The following JADE3 variants were observed in gnomAD, a reference collection of about 807,000 sequenced individuals.
JADE3 encodes the protein protein Jade-3.
JADE3 carries 2 observed loss-of-function variants against 50.1 expected under a neutral mutation model. The observed-to-expected ratio is 0.04, with a 90% CI of 0.02 to 0.13. The LOEUF (loss-of-function observed/expected upper bound fraction) is 0.13, where lower values mean the gene tolerates loss of function less well. Ranked by LOEUF, JADE3 falls within the 10% of genes least tolerant of loss-of-function variation. The pLI, the probability that JADE3 is intolerant of heterozygous loss-of-function variation, is 1.00. For missense variants in JADE3, 475 were observed against 634.4 expected, an observed-to-expected ratio of 0.75 and a Z score of 2.70; for synonymous variants, 218 against 232.9, an observed-to-expected ratio of 0.94 and a Z score of 0.58.
intron 1 of JADE3, among the ~76,000 whole-genome samples, chrX:46,974,179 G>A (rs782674496): frequency 9.9e-5 from 11 of 111,286 alleles, no homozygotes; most frequent in East Asian, 2.8e-4. Context: ...CCAGGCGGGC[G>A]GATCATTTGA....
At position 46,932,367 on chromosome X, in the gene JADE3, A is replaced by G. The variant is rs189006642; in HGVS notation, c.-12+19648A>G. Among the ~76,000 whole-genome samples the G allele has an allele frequency of 8.3e-4, 93 of 112,138 alleles. 1 individual carries two copies. In the East Asian group the frequency reaches 0.011, roughly 13 times the overall value. ...TAAAATTTTCTGTTTGGTAGAAGAA[A>G]TTATCCTAAAGACTACAGATTAATT... On this transcript the variant is annotated intron_variant, in intron 1 of 10. Transcript: ENST00000614628.
chrX:47,023,016 A>G (rs1411651140), intron 4 of JADE3, among the ~76,000 whole-genome samples: 3 of 111,534 alleles, frequency 2.7e-5, no homozygotes, highest in East Asian at 2.8e-4. Flanking sequence ...AACAATAACA[A>G]TGACGTTATT....
intron 4 of JADE3, among the ~76,000 whole-genome samples, chrX:47,001,660 G>T (rs1190963651): frequency 1.8e-5 from 2 of 111,926 alleles, no homozygotes; most frequent in African/African-American, 6.5e-5. Context: ...AATTTTGTAA[G>T]TCACCTTAAA....
rs113935039 is a variant in JADE3 at position 47,010,742 on chromosome X, A to T, written c.284+12465A>T. On this transcript the variant is annotated intron_variant, in intron 4 of 10. Coordinates refer to ENST00000614628, the MANE Select transcript of JADE3 (RefSeq NM_014735.5). ...ACTGTATTAGTCTGCTAGGGCTGCCATAACAAAATACCACAGACTGGGTGG... is the reference window on the plus strand; with the variant it reads ...ACTGTATTAGTCTGCTAGGGCTGCCTTAACAAAATACCACAGACTGGGTGG... 9.9e-3 allele frequency among the ~76,000 whole-genome samples: 1,101 copies of T among 111,198 alleles called. 11 individuals carry two copies. The highest frequency in any genetic ancestry group is 0.035 in the African/African-American group (1,062 of 30,618).
chrX:47,030,913 G>A (rs1321888142), intron 6 of JADE3, among the ~76,000 whole-genome samples: 3 of 110,247 alleles, frequency 2.7e-5, no homozygotes, highest in Admixed American at 9.7e-5. Context: ...AGCTGGGTGT[G>A]GTGGCATGCA....
chrX:46,931,877 A>G (rs1926505438), intron 1 of JADE3, among the ~76,000 whole-genome samples: 1 of 111,898 alleles, frequency 8.9e-6, no homozygotes, highest in Admixed American at 9.5e-5. Context: ...TAGGCACTCA[A>G]TGTTAGTTTC....
intron 7 of JADE3, among the ~76,000 whole-genome samples, chrX:47,035,102 C>CT (rs199611733): frequency 5.5e-5 from 6 of 109,012 alleles, no homozygotes; most frequent in Admixed American, 9.9e-5. Flanking sequence ...TTATGGCTGC[C>CT]TTTTTTTTTC....
intron 1 of JADE3, among the ~76,000 whole-genome samples, chrX:46,980,751 T>C (rs1007273055): frequency 8.9e-6 from 1 of 111,935 alleles, no homozygotes; most frequent in African/African-American, 3.2e-5. Context: ...TTTAAGTCTG[T>C]GATCCATTTT....
chrX:47,034,700 C>T (rs111947935), intron 7 of JADE3, among the ~76,000 whole-genome samples: 2,039 of 109,734 alleles, frequency 0.019, 35 homozygotes, highest in African/African-American at 0.065. Context: ...CTCAGGTTCA[C>T]GCCATTCTTC....
chrX:47,058,415 C>T lies in JADE3; in HGVS notation c.1810C>T (p.Arg604Cys), dbSNP rs373596462. The T allele has an allele frequency of 2.4e-5, 29 of 1,211,113 alleles. No homozygotes were observed. The highest frequency in any genetic ancestry group is 5.2e-5 in the African/African-American group (3 of 57,687). ...PRYPLESKNNRLLASLSHSRS... is the reference protein window; with the variant it reads ...PRYPLESKNNCLLASLSHSRS... The stretch of plus-strand genomic sequence containing the variant: ...ATACCCACTAGAGAGCAAGAATAAC[C>T]GTTTGCTGGCCAGTCTCAGCCATTC... The change falls in exon 11 of 11, where the codon CGT (arginine) becomes TGT (cysteine). Residue 604 changes from arginine to cysteine, a missense_variant. Arg to Cys is a radical substitution (Grantham distance 180). Transcript: ENST00000614628.
At chrX:47,003,249 A>G (rs903784615) in intron 4 of JADE3, among the ~76,000 whole-genome samples, 2 of 111,087 alleles carry the variant, frequency 1.8e-5, no homozygotes, top group Non-Finnish European at 3.8e-5. Context: ...GGAGTCTGAA[A>G]GTCCTAGATC....
At chrX:46,974,952 A>C (rs1004383950) in intron 1 of JADE3, among the ~76,000 whole-genome samples, 1 of 112,185 alleles carries the variant, frequency 8.9e-6, no homozygotes, top group Non-Finnish European at 1.9e-5. Flanking sequence ...GCCTTGTAGG[A>C]TGTTTAACGG....
chrX:47,007,096 G>A (rs782341826), intron 4 of JADE3, among the ~76,000 whole-genome samples: 16 of 110,847 alleles, frequency 1.4e-4, no homozygotes, highest in Middle Eastern at 4.6e-3. Context: ...GAGCCACTGC[G>A]CGTGGCCAGT....
intron 1 of JADE3, among the ~76,000 whole-genome samples, chrX:46,928,617 T>G (rs1049222422): frequency 3.6e-5 from 4 of 112,133 alleles, no homozygotes; most frequent in Non-Finnish European, 7.5e-5. Flanking sequence ...AGGATTTCAC[T>G]CTGTCACCGA....
In JADE3 at chrX:47,058,496, T is replaced by C. The variant is rs782812321; in HGVS notation, c.1891T>C (p.Tyr631His). 10 of 1,211,366 alleles carry C rather than the reference T, an allele frequency of 8.3e-6. No homozygotes were observed. In the East Asian group the frequency reaches 3.0e-4, roughly 36 times the overall value. Residue 631 changes from tyrosine (Y) to histidine (H), a missense_variant, in exon 11 of 11, where the codon TAT (tyrosine) becomes CAT (histidine). Coordinates refer to ENST00000614628, the MANE Select transcript of JADE3 (RefSeq NM_014735.5). ...PAWRTPSSECYHGQSLGKPLV... is the reference protein window; with the variant it reads ...PAWRTPSSECHHGQSLGKPLV... ...TTGGAGAACCCCGTCCTCGGAGTGC[T>C]ATCATGGGCAGTCACTGGGAAAGCC...
At chrX:46,927,053 A>T (rs1926385765) in intron 1 of JADE3, among the ~76,000 whole-genome samples, 1 of 112,276 alleles carries the variant, frequency 8.9e-6, no homozygotes, top group Non-Finnish European at 1.9e-5. Context: ...ACTACCATTC[A>T]TGGTAAAACT....
chrX:47,027,809 C>T (rs782006170), intron 5 of JADE3, 83 bp from the exon 6 acceptor site: 1 of 760,647 alleles, frequency 1.3e-6, no homozygotes, highest in East Asian at 3.2e-5. Context: ...GAATCCTACC[C>T]ACTCCTGCAC....
intron 7 of JADE3, among the ~76,000 whole-genome samples, chrX:47,036,218 A>G (rs1231153814): frequency 3.6e-5 from 4 of 111,253 alleles, no homozygotes; most frequent in African/African-American, 1.3e-4. Context: ...GGTTGAGTTC[A>G]TTGTAGATTC....
At chrX:46,914,672 A>G (rs1926043085) in intron 1 of JADE3, among the ~76,000 whole-genome samples, 1 of 111,933 alleles carries the variant, frequency 8.9e-6, no homozygotes, top group Non-Finnish European at 1.9e-5. Context: ...TTTTAACCCA[A>G]TATTGTTGCC....
Sources: gnomAD v4.1 joint callset for allele counts (sites outside exome capture counted in the v4.1 genomes callset) on GRCh38, gnomAD v4.1.1 for gene constraint, MANE v1.5 for transcripts, NCBI Gene and HGNC (gene_info 2026-07-23, HGNC 2026-07-21) for gene names.